Variants in IL1RAPL1 observed in about 807,000 individuals in gnomAD.
IL1RAPL1 encodes the protein interleukin-1 receptor accessory protein-like 1.
A neutral mutation model predicts 48.4 loss-of-function variants in IL1RAPL1; 3 were observed. That is an observed-to-expected ratio of 0.06 (90% CI 0.03 to 0.16). IL1RAPL1 has a LOEUF of 0.16. Among genes scored for constraint, IL1RAPL1 ranks in the 10% least tolerant of loss-of-function variants. The pLI, the probability that IL1RAPL1 is intolerant of heterozygous loss-of-function variation, is 1.00. For missense variants in IL1RAPL1, 349 were observed against 530.6 expected, an observed-to-expected ratio of 0.66 and a Z score of 3.36; for synonymous variants, 185 against 187.7, an observed-to-expected ratio of 0.99 and a Z score of 0.12.
chrX:29,632,222 C>T (rs1232474545), intron 5 of IL1RAPL1, among the ~76,000 whole-genome samples: 1 of 108,786 alleles, frequency 9.2e-6, no homozygotes, highest in Non-Finnish European at 1.9e-5. Context: ...GATCTCTGCT[C>T]ACTGCAAGCT....
At chrX:29,112,315 G>A (rs745819472) in intron 2 of IL1RAPL1, among the ~76,000 whole-genome samples, 3 of 111,325 alleles carry the variant, frequency 2.7e-5, no homozygotes, top group African/African-American at 6.5e-5. Context: ...TTGCCTTAAC[G>A]GTTAGTGATT....
chrX:29,658,718 GGT>G (rs1245666444), intron 5 of IL1RAPL1, among the ~76,000 whole-genome samples: 1 of 111,384 alleles, frequency 9.0e-6, no homozygotes, highest in Non-Finnish European at 1.9e-5. Context: ...CACATTTTGG[GGT>G]GTATGTGATA....
At chrX:29,421,297 G>T (rs962096894) in intron 5 of IL1RAPL1, among the ~76,000 whole-genome samples, 11 of 110,486 alleles carry the variant, frequency 1.0e-4, no homozygotes, top group Admixed American at 8.8e-4. Flanking sequence ...CCTGCTAAGG[G>T]GCTCTCCACC....
intron 3 of IL1RAPL1, among the ~76,000 whole-genome samples, chrX:29,310,640 A>G (rs2147618702): frequency 8.9e-6 from 1 of 111,936 alleles, no homozygotes; most frequent in African/African-American, 3.2e-5. Flanking sequence ...CACAACTTTA[A>G]TTATAAGAAA....
At chrX:29,620,329 A>G (rs1438690640) in intron 5 of IL1RAPL1, among the ~76,000 whole-genome samples, 1 of 111,574 alleles carries the variant, frequency 9.0e-6, no homozygotes, top group African/African-American at 3.3e-5. Flanking sequence ...ACACAAACCT[A>G]TATGTTTTAG....
At chrX:29,137,622 A>G (rs1001903390) in intron 2 of IL1RAPL1, among the ~76,000 whole-genome samples, 4 of 112,273 alleles carry the variant, frequency 3.6e-5, no homozygotes, top group Non-Finnish European at 5.6e-5. Flanking sequence ...GAAAATAGGA[A>G]TAAAACCTAA....
At chrX:28,850,798 C>T (rs756801090) in intron 2 of IL1RAPL1, among the ~76,000 whole-genome samples, 3 of 108,769 alleles carry the variant, frequency 2.8e-5, no homozygotes, top group Non-Finnish European at 3.8e-5. Context: ...GTTTTAAAAA[C>T]CTGATCTGTA....
intron 8 of IL1RAPL1, among the ~76,000 whole-genome samples, chrX:29,925,824 G>T (rs1219637099): frequency 8.9e-6 from 1 of 111,982 alleles, no homozygotes; most frequent in Non-Finnish European, 1.9e-5. Flanking sequence ...ACAGGCATGA[G>T]CCACTGTGCC....
At chrX:28,735,785 A>T (rs1935815538) in intron 1 of IL1RAPL1, among the ~76,000 whole-genome samples, 1 of 109,258 alleles carries the variant, frequency 9.2e-6, no homozygotes. Context: ...GTATAAAATT[A>T]AAAAAAAAAT....
intron 3 of IL1RAPL1, among the ~76,000 whole-genome samples, chrX:29,367,504 G>T (rs1933478626): frequency 9.0e-6 from 1 of 111,350 alleles, no homozygotes; most frequent in Non-Finnish European, 1.9e-5. Flanking sequence ...GACACAGAGA[G>T]AATCACCATA....
At chrX:28,742,625 T>A (rs973885717) in intron 1 of IL1RAPL1, among the ~76,000 whole-genome samples, 3 of 111,625 alleles carry the variant, frequency 2.7e-5, no homozygotes, top group African/African-American at 9.7e-5. Context: ...TATTTTACAT[T>A]TTTTGCCAAG....
At chrX:28,626,367 G>GTGT (rs1934340794) in intron 1 of IL1RAPL1, among the ~76,000 whole-genome samples, 1 of 111,990 alleles carries the variant, frequency 8.9e-6, no homozygotes, top group Non-Finnish European at 1.9e-5. Context: ...ATATGTTAAT[G>GTGT]TGTTGTCAAA....
At chrX:29,444,740 A>G (rs1934592297) in intron 5 of IL1RAPL1, among the ~76,000 whole-genome samples, 1 of 111,942 alleles carries the variant, frequency 8.9e-6, no homozygotes, top group Non-Finnish European at 1.9e-5. Flanking sequence ...AATGATCTCA[A>G]CGAGAGTCAC....
At chrX:29,657,298 G>A (rs769255138) in intron 5 of IL1RAPL1, among the ~76,000 whole-genome samples, 1 of 111,642 alleles carries the variant, frequency 9.0e-6, no homozygotes, top group Non-Finnish European at 1.9e-5. Context: ...TGTCTTTCCT[G>A]TGCATCGTAA....
At chrX:29,486,620 A>C in intron 5 of IL1RAPL1, among the ~76,000 whole-genome samples, 1 of 100,992 alleles carries the variant, frequency 9.9e-6, no homozygotes, top group Non-Finnish European at 2.1e-5. Context: ...TACAAAAAAA[A>C]AAAAAAAAAA....
intron 2 of IL1RAPL1, among the ~76,000 whole-genome samples, chrX:29,238,189 A>G (rs1484580225): frequency 2.7e-5 from 3 of 111,946 alleles, no homozygotes; most frequent in Non-Finnish European, 3.8e-5. Flanking sequence ...CTCAAGCTGA[A>G]TGATGAGGAC....
chrX:28,871,318 C>T (rs1922202393), intron 2 of IL1RAPL1, among the ~76,000 whole-genome samples: 1 of 111,918 alleles, frequency 8.9e-6, no homozygotes, highest in Non-Finnish European at 1.9e-5. Flanking sequence ...AACCTCATTC[C>T]AGTTAACAAA....
At chrX:28,962,629 T>G in intron 2 of IL1RAPL1, among the ~76,000 whole-genome samples, 1 of 111,586 alleles carries the variant, frequency 9.0e-6, no homozygotes, top group East Asian at 2.8e-4. Context: ...AGTAGTTATA[T>G]ACCAATAAAA....
At chrX:29,338,510 T>A (rs1030227908) in intron 3 of IL1RAPL1, among the ~76,000 whole-genome samples, 9 of 112,158 alleles carry the variant, frequency 8.0e-5, no homozygotes, top group African/African-American at 2.9e-4. Flanking sequence ...AACACACATT[T>A]CCTATATTAC....
Sources: gnomAD v4.1 joint callset for allele counts (sites outside exome capture counted in the v4.1 genomes callset) on GRCh38, gnomAD v4.1.1 for gene constraint, MANE v1.5 for transcripts, NCBI Gene and HGNC (gene_info 2026-07-23, HGNC 2026-07-21) for gene names.